The following KCNG2 variants were observed in gnomAD, a reference collection of about 807,000 sequenced individuals.
KCNG2 encodes potassium voltage-gated channel modifier subfamily G member 2.
In KCNG2, 7 loss-of-function variants were observed where a neutral mutation model predicts 12.3. The observed-to-expected ratio is 0.57, with a 90% CI of 0.32 to 1.07. KCNG2 has a LOEUF of 1.07. Ranked by LOEUF, KCNG2 falls within the 50% of genes least tolerant of loss-of-function variation. The pLI is 0.04. For missense variants in KCNG2, 703 were observed against 726.0 expected (o/e 0.97, Z 0.36); for synonymous variants, 414 against 351.4 (o/e 1.18, Z -1.99).
At chr18:79,855,072 T>A (rs1978963386) in intron 1 of KCNG2, among the ~76,000 whole-genome samples, 1 of 152,230 alleles carries the variant, frequency 6.6e-6, no homozygotes, top group Admixed American at 6.5e-5. Flanking sequence ...TGTCTTTGCT[T>A]TCCCTAGTGT....
intron 1 of KCNG2, among the ~76,000 whole-genome samples, chr18:79,807,312 G>A (rs1297530579): frequency 6.6e-6 from 1 of 152,056 alleles, no homozygotes; most frequent in African/African-American, 2.4e-5. Flanking sequence ...TTGGGGTGCC[G>A]CGAGCAAACC....
intron 1 of KCNG2, among the ~76,000 whole-genome samples, chr18:79,837,475 G>A (rs974805432): frequency 6.6e-6 from 1 of 152,228 alleles, no homozygotes; most frequent in African/African-American, 2.4e-5. Context: ...GGGACTCTAT[G>A]TGGGGCTCCA....
rs760995612 is a variant in KCNG2, at chr18:79,899,765, G to T, written c.1350G>T (p.Ala450=). Residue 450 remains alanine (A), a synonymous_variant, in exon 4 of 4, where the codon GCG becomes GCT. Transcript: ENST00000316249. Reference sequence around the variant, plus strand: ...ACAGCTCGCAGGGCCCCGACAGCGCGGGCCTGGCCGACGACTCCGCGGATG... The same window carrying T: ...ACAGCTCGCAGGGCCCCGACAGCGCTGGCCTGGCCGACGACTCCGCGGATG... ...TEDSSQGPDS[A]GLADDSADAL... 1 of 1,519,958 alleles carries T rather than the reference G, an allele frequency of 6.6e-7. No individual in the cohort carries two copies. Among genetic ancestry groups the T allele is most frequent in the South Asian group, 1.3e-5 (1 of 79,324 alleles). 94.2% of individuals were successfully genotyped at this position (1,519,958 alleles called of 1,614,324 possible).
intron 3 of KCNG2, among the ~76,000 whole-genome samples, chr18:79,898,817 C>G (rs76584523): frequency 6.6e-6 from 1 of 152,266 alleles, no homozygotes; most frequent in African/African-American, 2.4e-5. Flanking sequence ...GTCAGCTAAG[C>G]GCATCCGCTC....
At chr18:79,828,571 CTGTG>C (rs890281948) in intron 1 of KCNG2, among the ~76,000 whole-genome samples, 1 of 150,500 alleles carries the variant, frequency 6.6e-6, no homozygotes, top group East Asian at 2.0e-4. Context: ...GTGTGCATGT[CTGTG>C]TGCATGTGTC....
At chr18:79,866,134 GTCTGGGTGCTGAGAGGTCGGTA>G (rs1979524465) in intron 3 of KCNG2, among the ~76,000 whole-genome samples, 6 of 88,864 alleles carry the variant, frequency 6.8e-5, no homozygotes, top group African/African-American at 1.6e-4. Flanking sequence ...GTGTTCTGAG[GTCTGGGTGCTGAGAGGTCGGTA>G]TGCTGAGAGG....
intron 1 of KCNG2, among the ~76,000 whole-genome samples, chr18:79,812,499 G>T (rs1010444532): frequency 6.6e-6 from 1 of 152,204 alleles, no homozygotes; most frequent in African/African-American, 2.4e-5. Context: ...CTCACTCAAT[G>T]TGAGGTTTAA....
intron 1 of KCNG2, among the ~76,000 whole-genome samples, chr18:79,808,121 G>C (rs1431723113): frequency 2.0e-5 from 2 of 102,176 alleles, no homozygotes; most frequent in Admixed American, 1.0e-4. Flanking sequence ...CCCAGAGTCC[G>C]CGCTCTGAGG....
intron 1 of KCNG2, among the ~76,000 whole-genome samples, chr18:79,856,106 T>TA (rs1242471285): frequency 1.3e-5 from 2 of 152,258 alleles, no homozygotes; most frequent in African/African-American, 4.8e-5. Flanking sequence ...GTCCATATTT[T>TA]AAAATGTATG....
chr18:79,826,789 A>T (rs1004377260), intron 1 of KCNG2, among the ~76,000 whole-genome samples: 1 of 150,250 alleles, frequency 6.7e-6, no homozygotes, highest in Non-Finnish European at 1.5e-5. Flanking sequence ...TTACGTCATT[A>T]CGTTCAGTGA....
intron 3 of KCNG2, among the ~76,000 whole-genome samples, chr18:79,885,199 AC>A (rs529324579): frequency 4.0e-4 from 61 of 152,244 alleles, no homozygotes; most frequent in African/African-American, 1.3e-3. Flanking sequence ...CGGCCCTGGC[AC>A]CCCACAGAAA....
At chr18:79,849,799 G>A (rs1329116167) in intron 1 of KCNG2, among the ~76,000 whole-genome samples, 5 of 152,228 alleles carry the variant, frequency 3.3e-5, no homozygotes, top group Non-Finnish European at 7.3e-5. Context: ...GGAAGACCCA[G>A]CCTCTCTGAG....
At chr18:79,824,705 A>G (rs1324069838) in intron 1 of KCNG2, among the ~76,000 whole-genome samples, 1 of 152,160 alleles carries the variant, frequency 6.6e-6, no homozygotes, top group Non-Finnish European at 1.5e-5. Flanking sequence ...GCTGCTTGGT[A>G]TCTATGGAGA....
chr18:79,813,549 G>C (rs1352397523), intron 1 of KCNG2, among the ~76,000 whole-genome samples: 2 of 152,198 alleles, frequency 1.3e-5, no homozygotes, highest in Non-Finnish European at 2.9e-5. Flanking sequence ...GGGTGGGGTA[G>C]CGTGGAGGGA....
At chr18:79,872,280 G>T (rs1407164814) in intron 3 of KCNG2, among the ~76,000 whole-genome samples, 95 of 73,366 alleles carry the variant, frequency 1.3e-3, no homozygotes, top group East Asian at 3.1e-3. Flanking sequence ...CAAAGCTTCA[G>T]TTTTTTTTTT....
At chr18:79,874,198 T>C (rs186270721) in intron 3 of KCNG2, among the ~76,000 whole-genome samples, 13 of 152,168 alleles carry the variant, frequency 8.5e-5, no homozygotes, top group Non-Finnish European at 8.8e-5. Context: ...TGTTGGCCGA[T>C]TGAAGAAAAG....
rs905088738 is a variant in KCNG2, at chr18:79,869,902, C to T, written c.624+5611C>T. 4.6e-5 allele frequency among the ~76,000 whole-genome samples: 7 copies of T among 152,370 alleles called. No homozygotes were observed. The East Asian group carries it at 7.7e-4, about 17-fold the overall frequency. On this transcript the variant is annotated intron_variant, in intron 3 of 3. Coordinates refer to ENST00000316249, the MANE Select transcript of KCNG2 (RefSeq NM_012283.2). ...GCCGCCACCACCACGCGGGACGGCC[C>T]GCAGCCGTGGCATGGATGTTTTAAT...
chr18:79,894,966 CTCTG>C (rs200000639), intron 3 of KCNG2, among the ~76,000 whole-genome samples: 2,785 of 150,262 alleles, frequency 0.019, 49 homozygotes, highest in Non-Finnish European at 0.026. Context: ...ATAGTGGGGT[CTCTG>C]TCTGCTTTAG....
At chr18:79,854,096 A>G (rs1978922067) in intron 1 of KCNG2, among the ~76,000 whole-genome samples, 1 of 152,268 alleles carries the variant, frequency 6.6e-6, no homozygotes, top group African/African-American at 2.4e-5. Flanking sequence ...TGCACCTACA[A>G]CTGTTTCCTG....
Sources: gnomAD v4.1 joint callset for allele counts (sites outside exome capture counted in the v4.1 genomes callset) on GRCh38, gnomAD v4.1.1 for gene constraint, MANE v1.5 for transcripts, NCBI Gene and HGNC (gene_info 2026-07-23, HGNC 2026-07-21) for gene names.